The following PXDNL variants were observed in gnomAD, a reference collection of about 807,000 sequenced individuals.
PXDNL encodes the protein peroxidasin like, also known as probable oxidoreductase PXDNL.
A neutral mutation model predicts 150.8 loss-of-function variants in PXDNL; 145 were observed. That is an observed-to-expected ratio of 0.96 (90% CI 0.84 to 1.10). PXDNL has a LOEUF of 1.10. PXDNL is among the 50% of genes least tolerant of loss of function. The pLI, the probability that PXDNL is intolerant of heterozygous loss-of-function variation, is 0.00. For missense variants in PXDNL, 2,087 were observed against 1,873.9 expected (o/e 1.11, Z -2.10); for synonymous variants, 757 against 725.7 (o/e 1.04, Z -0.69).
chr8:51,468,161 T>C (rs1301006253), intron 8 of PXDNL, among the ~76,000 whole-genome samples: 1 of 152,016 alleles, frequency 6.6e-6, no homozygotes, highest in East Asian at 1.9e-4. Flanking sequence ...GTAGATATCA[T>C]CAGTGTTTTA....
At chr8:51,653,709 T>TAAAGTTATG (rs1815089138) in intron 2 of PXDNL, among the ~76,000 whole-genome samples, 1 of 152,202 alleles carries the variant, frequency 6.6e-6, no homozygotes, top group African/African-American at 2.4e-5. Flanking sequence ...AGCACAAGTG[T>TAAAGTTATG]AAAGTTATGA....
chr8:51,736,969 TAG>T (rs1817051429), intron 1 of PXDNL, among the ~76,000 whole-genome samples: 1 of 152,234 alleles, frequency 6.6e-6, no homozygotes, highest in South Asian at 2.1e-4. Context: ...GGTTGTTCTT[TAG>T]ATACCAAAAC....
chr8:51,549,295 C>T (rs1812430083), intron 4 of PXDNL, among the ~76,000 whole-genome samples: 1 of 152,036 alleles, frequency 6.6e-6, no homozygotes, highest in Non-Finnish European at 1.5e-5. Flanking sequence ...CACAAAGAAG[C>T]AATGGACTTA....
At chr8:51,714,940 GC>G (rs1816583266) in intron 1 of PXDNL, among the ~76,000 whole-genome samples, 1 of 152,166 alleles carries the variant, frequency 6.6e-6, no homozygotes, top group African/African-American at 2.4e-5. Context: ...CATAAAGAGA[GC>G]ATGTCCAACT....
chr8:51,460,663 G>T (rs533297452), intron 8 of PXDNL, among the ~76,000 whole-genome samples: 33 of 151,812 alleles, frequency 2.2e-4, no homozygotes, highest in Non-Finnish European at 4.3e-4. Context: ...AGAGGTGAGT[G>T]AAGGAAACTG....
chr8:51,391,827 G>A (rs1563388750), intron 17 of PXDNL, among the ~76,000 whole-genome samples: 1 of 152,130 alleles, frequency 6.6e-6, no homozygotes, highest in East Asian at 1.9e-4. Flanking sequence ...CCTATGTCCT[G>A]AATGGTAATG....
intron 14 of PXDNL, among the ~76,000 whole-genome samples, chr8:51,417,614 TC>T (rs900017063): frequency 3.3e-5 from 5 of 152,158 alleles, no homozygotes; most frequent in African/African-American, 4.8e-5. Context: ...TTTTTTATCC[TC>T]CCCCTTTTTC....
At chr8:51,617,123 G>C (rs1213628771) in intron 2 of PXDNL, among the ~76,000 whole-genome samples, 2 of 152,156 alleles carry the variant, frequency 1.3e-5, no homozygotes, top group Non-Finnish European at 2.9e-5. Flanking sequence ...GGCGAAGCTT[G>C]AGAGGAAGAA....
At chr8:51,749,865 T>C (rs1337275693) in intron 1 of PXDNL, among the ~76,000 whole-genome samples, 3 of 152,122 alleles carry the variant, frequency 2.0e-5, no homozygotes, top group Non-Finnish European at 4.4e-5. Context: ...CATGCCCAGC[T>C]AATTTTTGTA....
intron 12 of PXDNL, among the ~76,000 whole-genome samples, chr8:51,439,317 G>GA (rs759465246): frequency 5.0e-4 from 76 of 152,076 alleles, no homozygotes; most frequent in Non-Finnish European, 6.6e-4. Context: ...ACAAACATAT[G>GA]AAAAAATGCT....
chr8:51,793,132 G>A (rs2037528825), intron 1 of PXDNL, among the ~76,000 whole-genome samples: 1 of 152,186 alleles, frequency 6.6e-6, no homozygotes, highest in Non-Finnish European at 1.5e-5. Flanking sequence ...GGGAAGGAGC[G>A]GCAGCCATCT....
chr8:51,337,989 G>A (rs555031371), intron 21 of PXDNL, among the ~76,000 whole-genome samples: 1 of 151,936 alleles, frequency 6.6e-6, no homozygotes, highest in South Asian at 2.1e-4. Context: ...AACCAGCCTG[G>A]CCAACATGGC....
At chr8:51,609,912 G>T (rs1813960669) in intron 2 of PXDNL, among the ~76,000 whole-genome samples, 1 of 152,140 alleles carries the variant, frequency 6.6e-6, no homozygotes, top group Non-Finnish European at 1.5e-5. Flanking sequence ...GGGAGCAGGG[G>T]GTTCTCTGTC....
chr8:51,545,420 C>T (rs568673504), intron 4 of PXDNL, among the ~76,000 whole-genome samples: 2 of 152,166 alleles, frequency 1.3e-5, no homozygotes, highest in Non-Finnish European at 2.9e-5. Flanking sequence ...CGAAGGCACA[C>T]ATTTTATCAC....
At chr8:51,458,791 C>G (rs1809999067) in intron 8 of PXDNL, among the ~76,000 whole-genome samples, 1 of 152,176 alleles carries the variant, frequency 6.6e-6, no homozygotes. Context: ...AATTGTCATT[C>G]TTATCTAACC....
intron 12 of PXDNL, among the ~76,000 whole-genome samples, chr8:51,443,413 T>C (rs1809600674): frequency 6.6e-6 from 1 of 152,070 alleles, no homozygotes; most frequent in Admixed American, 6.5e-5. Context: ...GAGAGAGAGC[T>C]AGAAATTGGG....
chr8:51,348,969 A>C (rs1287679668), intron 19 of PXDNL, among the ~76,000 whole-genome samples: 1 of 152,222 alleles, frequency 6.6e-6, no homozygotes, highest in African/African-American at 2.4e-5. Context: ...ATTATTTGTT[A>C]ACTGAATGAA....
intron 1 of PXDNL, among the ~76,000 whole-genome samples, chr8:51,778,219 C>T (rs749091708): frequency 1.3e-5 from 2 of 151,618 alleles, no homozygotes; most frequent in Non-Finnish European, 2.9e-5. Context: ...GTGGAGCTTG[C>T]AGTGAGCCGA....
At chr8:51,504,319 C>A (rs2130309296) in intron 4 of PXDNL, among the ~76,000 whole-genome samples, 1 of 152,252 alleles carries the variant, frequency 6.6e-6, no homozygotes, top group South Asian at 2.1e-4. Context: ...CAAGTTCCAG[C>A]CTGGTCTTGC....
Sources: gnomAD v4.1 joint callset for allele counts (sites outside exome capture counted in the v4.1 genomes callset) on GRCh38, gnomAD v4.1.1 for gene constraint, MANE v1.5 for transcripts, NCBI Gene and HGNC (gene_info 2026-07-23, HGNC 2026-07-21) for gene names.